The following ZNF254 variants were observed in gnomAD, a reference collection of about 807,000 sequenced individuals.
ZNF254 encodes CTD-2017D11.1.
A neutral mutation model predicts 12.4 loss-of-function variants in ZNF254; 10 were observed. The ratio of observed to expected loss-of-function variants is 0.80; its 90% CI spans 0.50 to 1.36. The LOEUF is 1.36. Among genes scored for constraint, ZNF254 ranks in the 40% most tolerant of loss-of-function variants. The pLI, the probability that ZNF254 is intolerant of heterozygous loss-of-function variation, is 0.00. For synonymous variants in ZNF254, 305 were observed against 253.4 expected, an observed-to-expected ratio of 1.20 and a Z score of -1.93; for missense variants, 996 against 763.9, an observed-to-expected ratio of 1.30 and a Z score of -3.58.
intron 2 of ZNF254, among the ~76,000 whole-genome samples, chr19:24,068,636 C>T (rs890740803): frequency 6.6e-6 from 1 of 152,078 alleles, no homozygotes; most frequent in African/African-American, 2.4e-5. Flanking sequence ...GATTTTAATC[C>T]ATCCCCAGCC....
chr19:24,097,287 TA>T (rs1972728730), intron 1 of ZNF254, among the ~76,000 whole-genome samples: 1 of 152,166 alleles, frequency 6.6e-6, no homozygotes, highest in Non-Finnish European at 1.5e-5. Context: ...AGCATAAAAA[TA>T]GACAAAATTT....
rs770410495 is a variant in ZNF254 at position 24,127,468 on chromosome 19, T to G, written c.1468T>G (p.Tyr490Asp). ...HKRMHTGEKP[Y>D]KCEECGKSFS... is the part of the protein sequence containing the mutation. ...GAGGATGCACACTGGAGAGAAACCC[T>G]ACAAATGTGAAGAATGTGGCAAATC... is the stretch of plus-strand genomic sequence containing the variant. The change falls in exon 4 of 4, where the codon TAC becomes GAC. Residue 490 changes from tyrosine (Y) to aspartate (D), a missense_variant. By Grantham distance (160) the Tyr-to-Asp change is radical. Transcript: ENST00000357002. 1.9e-5 allele frequency: 30 copies of G among 1,613,436 alleles called. No homozygotes were observed. The East Asian group carries it at 6.2e-4, about 34-fold the overall frequency.
Position 24,106,652 on chromosome 19 carries a change from G to C in ZNF254, c.253+9G>C, listed in dbSNP as rs1973359472. 6.4e-7 allele frequency: 1 copy of C among 1,574,790 alleles called. No homozygotes were observed. The highest frequency in any genetic ancestry group is 1.4e-5 in the African/African-American group (1 of 74,008). ...GGTGGATGAACCCCCAGGTAGGTGA[G>C]AGTGAATACAACAGATGACATGGAT... On this transcript the variant is annotated intron_variant, in intron 3 of 3. Coordinates refer to ENST00000357002, the MANE Select transcript of ZNF254 (RefSeq NM_203282.4).
chr19:24,126,857 T>C lies in ZNF254; in HGVS notation c.857T>C (p.Ile286Thr), dbSNP rs1358518485. 11 of 1,613,428 alleles carry C rather than the reference T, an allele frequency of 6.8e-6. No homozygotes were observed. The East Asian group carries it at 2.5e-4, about 36-fold the overall frequency. Reference protein sequence around the residue: ...NRSSNLTTHKIIHTGEKPYKC... With the variant: ...NRSSNLTTHKTIHTGEKPYKC... Reference sequence around the variant, plus strand: ...TCCTCAAATCTTACTACACATAAGATAATTCATACTGGAGAGAAACCTTAC... The same window carrying C: ...TCCTCAAATCTTACTACACATAAGACAATTCATACTGGAGAGAAACCTTAC... Residue 286 changes from isoleucine (I) to threonine (T), a missense_variant, in exon 4 of 4, where the codon ATA becomes ACA. Coordinates refer to ENST00000357002, the MANE Select transcript of ZNF254 (RefSeq NM_203282.4).
In ZNF254 at chr19:24,061,879, T is replaced by C. The variant is rs187364216; in HGVS notation, c.-94+15600T>C. Reference sequence around the variant, plus strand: ...TGGACGGATCACCTGATGTCGGGAGTTCAAGACCAGCCTGACCAACATGGA... The same window carrying C: ...TGGACGGATCACCTGATGTCGGGAGCTCAAGACCAGCCTGACCAACATGGA... On this transcript the variant is annotated intron_variant, in intron 2 of 4. Coordinates refer to the ZNF254 transcript ENST00000613065. Among the ~76,000 whole-genome samples the C allele has an allele frequency of 5.0e-4, 75 of 150,976 alleles. No homozygotes were observed. In the East Asian group the frequency reaches 0.012, roughly 23 times the overall value.
Position 24,127,413 on chromosome 19 carries a change from T to C in ZNF254, c.1413T>C (p.Phe471=), listed in dbSNP as rs759380198. ...AATGTGAAGAATGTGGCAAGGCATTTATATGGTCCTCAACCCTAACTAGAC... is the reference window on the plus strand; with the variant it reads ...AATGTGAAGAATGTGGCAAGGCATTCATATGGTCCTCAACCCTAACTAGAC... ...PYKCEECGKA[F]IWSSTLTRHK... Residue 471 remains phenylalanine (F), a synonymous_variant, in exon 4 of 4, where the codon TTT becomes TTC. Transcript: ENST00000357002. The C allele has an allele frequency of 2.9e-5, 47 of 1,612,354 alleles. No homozygotes were observed. The highest frequency in any genetic ancestry group is 1.8e-4 in the Admixed American group (11 of 59,898).
chr19:24,085,602 T>C (rs1427509664), upstream of ZNF254, among the ~76,000 whole-genome samples: 3 of 151,366 alleles, frequency 2.0e-5, no homozygotes, highest in African/African-American at 7.3e-5. Flanking sequence ...CAAATTCCAG[T>C]CCCTACTTAA....
intron 3 of ZNF254, among the ~76,000 whole-genome samples, chr19:24,110,387 A>C (rs140365677): frequency 0.068 from 10,323 of 151,926 alleles, 513 homozygotes; most frequent in Non-Finnish European, 0.1. Context: ...ATATGGAGAC[A>C]CCCTCTCTAC....
Position 24,080,994 on chromosome 19 carries a change from A to G in ZNF254, c.-93-24946A>G, listed in dbSNP as rs1008092725. Among the ~76,000 whole-genome samples, 3 of 144,422 alleles carry G rather than the reference A, an allele frequency of 2.1e-5. No homozygotes were observed. The East Asian group carries it at 6.5e-4, about 31-fold the overall frequency. 94.7% of individuals were successfully genotyped at this position (144,422 alleles called of 152,430 possible). On this transcript the variant is annotated intron_variant, in intron 2 of 4. Coordinates refer to the ZNF254 transcript ENST00000613065. ...CAGGAGGCTTAGGCAAGAGATTCAC[A>G]TAAACCCGGGAGGCCGAAGTTGCAG...
At chr19:24,099,333 G>C (rs1355258944) in intron 1 of ZNF254, among the ~76,000 whole-genome samples, 1 of 151,914 alleles carries the variant, frequency 6.6e-6, no homozygotes, top group East Asian at 1.9e-4. Context: ...TGACACTAAA[G>C]TGCTGCTGTG....
chr19:24,074,474 T>C (rs1157737957), intron 2 of ZNF254, among the ~76,000 whole-genome samples: 1 of 152,188 alleles, frequency 6.6e-6, no homozygotes, highest in African/African-American at 2.4e-5. Flanking sequence ...TAGGAGAGAT[T>C]GTGACATATC....
Position 24,129,271 on chromosome 19 carries a change from G to A in ZNF254, c.*1291G>A, listed in dbSNP as rs916479257. The A allele has an allele frequency of 1.6e-4, 24 of 152,092 alleles. No homozygotes were observed. Among genetic ancestry groups the A allele is most frequent in the Non-Finnish European group, 2.5e-4 (17 of 67,904 alleles). The allele number at this position is 152,092 out of a possible 1,614,324, so 9.4% of individuals were successfully genotyped here. A position where few individuals can be genotyped will look rare whatever the true frequency, so the allele number is the denominator to read the frequency against. On this transcript the variant is annotated 3_prime_UTR_variant, in exon 4 of 4. Coordinates refer to ENST00000357002, the MANE Select transcript of ZNF254 (RefSeq NM_203282.4). ...TAATTGTACTTCTATGAAATAATAT[G>A]CAGTCTATTTTTAAATTATAAATTA...
intron 2 of ZNF254, among the ~76,000 whole-genome samples, chr19:24,047,596 C>CTTTTTTTTTTTTTTTTTTTCTTTTTTCT (rs386388790): frequency 9.3e-6 from 1 of 107,964 alleles, no homozygotes; most frequent in Non-Finnish European, 1.8e-5. Context: ...TTCATTCTTC[C>CTTTTTTTTTTTTTTTTTTTCTTTTTTCT]TTTTTTTTTT....
chr19:24,043,840 A>G (rs1451192787), intron 1 of ZNF254, among the ~76,000 whole-genome samples: 1 of 152,168 alleles, frequency 6.6e-6, no homozygotes, highest in African/African-American at 2.4e-5. Context: ...GTTTATATCA[A>G]TCTTCTCAGT....
intron 1 of ZNF254, among the ~76,000 whole-genome samples, chr19:24,037,654 G>T (rs553658563): frequency 6.6e-6 from 1 of 152,230 alleles, no homozygotes; most frequent in East Asian, 1.9e-4. Context: ...TTGTCCCCCA[G>T]GCTGAAGTGC....
At chr19:24,122,153 A>T (rs1243273208) in intron 3 of ZNF254, among the ~76,000 whole-genome samples, 1 of 152,190 alleles carries the variant, frequency 6.6e-6, no homozygotes, top group African/African-American at 2.4e-5. Context: ...TGACATTGTC[A>T]TGCAACATAT....
In ZNF254 at chr19:24,090,293, CAG is replaced by C. The variant is rs142672883; in HGVS notation, c.30+2959_30+2960del. On this transcript the variant is annotated intron_variant, in intron 1 of 3. Coordinates refer to ENST00000357002, the MANE Select transcript of ZNF254 (RefSeq NM_203282.4). ...CTGAGACACTCACTGGGGCATAGTT[CAG>C]AGTCTCCTGAGAGGGGGTTATTGAG... 5.0e-3 allele frequency among the ~76,000 whole-genome samples: 756 copies of C among 152,248 alleles called. 4 individuals carry two copies. Among genetic ancestry groups the C allele is most frequent in the African/African-American group, 0.018 (729 of 41,562 alleles).
intron 1 of ZNF254, among the ~76,000 whole-genome samples, chr19:24,042,401 C>G (rs183372211): frequency 7.9e-4 from 120 of 152,272 alleles, no homozygotes; most frequent in Non-Finnish European, 1.5e-3. Flanking sequence ...CGCTCAGGTC[C>G]CCTTCCACAC....
At chr19:24,064,938 C>T (rs1028495233) in intron 2 of ZNF254, among the ~76,000 whole-genome samples, 2 of 152,104 alleles carry the variant, frequency 1.3e-5, no homozygotes, top group Non-Finnish European at 2.9e-5. Context: ...ATTATCTTGG[C>T]GATTTGACTT....
Sources: gnomAD v4.1 joint callset for allele counts (sites outside exome capture counted in the v4.1 genomes callset) on GRCh38, gnomAD v4.1.1 for gene constraint, MANE v1.5 for transcripts, NCBI Gene and HGNC (gene_info 2026-07-23, HGNC 2026-07-21) for gene names.